The following BRSK2 variants were observed in gnomAD, a reference collection of about 807,000 sequenced individuals.
BRSK2 encodes serine/threonine-protein kinase BRSK2.
In BRSK2, 19 loss-of-function variants were observed where a neutral mutation model predicts 83.3. The ratio of observed to expected loss-of-function variants is 0.23; its 90% CI spans 0.16 to 0.33. The LOEUF is 0.33. BRSK2 is among the 10% of genes least tolerant of loss of function. The pLI is 1.00. For synonymous variants in BRSK2, 519 were observed against 435.4 expected (o/e 1.19, Z -2.39); for missense variants, 798 against 1,042.3 (o/e 0.77, Z 3.23).
chr11:1,403,905 A>G (rs1450750545), intron 1 of BRSK2, among the ~76,000 whole-genome samples: 1 of 152,140 alleles, frequency 6.6e-6, no homozygotes, highest in African/African-American at 2.4e-5. Context: ...TCCAGGCCCC[A>G]CTGCCCAACT....
At position 1,459,188 on chromosome 11, in the gene BRSK2, C is replaced by T. The variant is rs756438217; in HGVS notation, c.1940-4C>T. 4.3e-6 allele frequency: 7 copies of T among 1,613,810 alleles called. No homozygotes were observed. The highest frequency in any genetic ancestry group is 3.3e-4 in the Middle Eastern group (2 of 6,056). The stretch of plus-strand genomic sequence containing the variant: ...CTCCCTCCTCTCTCCATTCTGTACT[C>T]CAGACACCACTAACTGTATGGAAAT... On this transcript the variant is annotated splice_polypyrimidine_tract_variant and splice_region_variant and intron_variant, in intron 18 of 19. Coordinates refer to ENST00000528841, the MANE Select transcript of BRSK2 (RefSeq NM_001256627.2).
intron 12 of BRSK2, among the ~76,000 whole-genome samples, chr11:1,446,572 T>C (rs985832726): frequency 2.0e-5 from 3 of 152,012 alleles, no homozygotes; most frequent in African/African-American, 7.3e-5. Context: ...GTGGCAAGTG[T>C]GGTGTGTGTG....
Position 1,456,591 on chromosome 11 carries a change from C to T in BRSK2, c.1850-7C>T. On this transcript the variant is annotated splice_region_variant and splice_polypyrimidine_tract_variant and intron_variant, in intron 17 of 19. Transcript: ENST00000528841. The stretch of plus-strand genomic sequence containing the variant: ...CCGTCCAGGGCATAACCCCCTGTCT[C>T]CCCTAGGCCCCAGCCGTCGCTTCAA... 6.2e-7 allele frequency: 1 copy of T among 1,609,796 alleles called. No homozygotes were observed. The highest frequency in any genetic ancestry group is 8.5e-7 in the Non-Finnish European group (1 of 1,178,798).
Position 1,460,714 on chromosome 11 carries a change from G to T in BRSK2, c.2202G>T (p.Glu734Asp), listed in dbSNP as rs757632813. 6.9e-7 allele frequency: 1 copy of T among 1,450,284 alleles called. No homozygotes were observed. Among genetic ancestry groups the T allele is most frequent in the Non-Finnish European group, 9.1e-7 (1 of 1,095,328 alleles). 89.8% of individuals were successfully genotyped at this position (1,450,284 alleles called of 1,614,324 possible). ...TGGGCCCGCCCACCGCCCGCCGCGA[G>T]CAGCCTTAGACACACTAGCCCCCCC... ...AKMGPPTARR[E>D]QP Residue 734 changes from glutamate (E) to aspartate (D), a missense_variant, in exon 20 of 20, where the codon GAG (glutamate) becomes GAT (aspartate). By Grantham distance (45) the Glu-to-Asp change is conservative. Transcript: ENST00000528841.
intron 1 of BRSK2, among the ~76,000 whole-genome samples, chr11:1,422,478 C>T (rs962339827): frequency 2.0e-5 from 3 of 152,056 alleles, no homozygotes; most frequent in Admixed American, 1.3e-4. Context: ...TGGGCCCTGG[C>T]GAGTGAGGAG....
intron 8 of BRSK2, among the ~76,000 whole-genome samples, 189 bp downstream of exon 8, chr11:1,443,824 A>G (rs532062277): frequency 1.3e-3 from 201 of 151,798 alleles, no homozygotes; most frequent in African/African-American, 4.8e-3. Flanking sequence ...ATGTGGGCCC[A>G]TGGCCGTGTG....
At position 1,456,133 on chromosome 11, in the gene BRSK2, G is replaced by A. The variant is rs528200246; in HGVS notation, c.1669-215G>A. Among the ~76,000 whole-genome samples the A allele has an allele frequency of 4.6e-5, 7 of 152,216 alleles. No homozygotes were observed. The South Asian group carries it at 6.2e-4, about 14-fold the overall frequency. Reference sequence around the variant, plus strand: ...GCCCGGCAGGGGCTTAGCTGTGCCCGCTAAGTGGACCAAAGCTTTGGAGGG... The same window carrying A: ...GCCCGGCAGGGGCTTAGCTGTGCCCACTAAGTGGACCAAAGCTTTGGAGGG... On this transcript the variant is annotated intron_variant, in intron 16 of 19. Coordinates refer to ENST00000528841, the MANE Select transcript of BRSK2 (RefSeq NM_001256627.2).
At chr11:1,392,709 G>T (rs958600656) in intron 1 of BRSK2, among the ~76,000 whole-genome samples, 1 of 152,202 alleles carries the variant, frequency 6.6e-6, no homozygotes. Flanking sequence ...CCTGGAGGAC[G>T]CCCTTCTAGA....
intron 3 of BRSK2, among the ~76,000 whole-genome samples, chr11:1,439,633 G>A (rs775862841): frequency 6.6e-6 from 1 of 152,066 alleles, no homozygotes; most frequent in Non-Finnish European, 1.5e-5. Context: ...CTTCTCCCGA[G>A]GTCTGGCCCT....
intron 4 of BRSK2, among the ~76,000 whole-genome samples, chr11:1,441,962 C>A (rs192668531): frequency 1.5e-5 from 1 of 66,616 alleles, no homozygotes; most frequent in African/African-American, 6.3e-5. Context: ...CCGTCCCCCC[C>A]ATTAGCTACC....
intron 1 of BRSK2, among the ~76,000 whole-genome samples, chr11:1,411,799 C>T (rs1430199510): frequency 1.3e-5 from 2 of 152,194 alleles, no homozygotes; most frequent in African/African-American, 2.4e-5. Flanking sequence ...GCTGCCTGCC[C>T]CTATGTGGAG....
chr11:1,446,113 A>ATTGGACTGGGCTAG (rs1564859315), intron 12 of BRSK2, among the ~76,000 whole-genome samples: 8 of 97,910 alleles, frequency 8.2e-5, no homozygotes, highest in African/African-American at 2.8e-4. Context: ...CTGGGCTGGG[A>ATTGGACTGGGCTAG]GCTGAGCTGG....
At chr11:1,398,095 G>C (rs546313146) in intron 1 of BRSK2, among the ~76,000 whole-genome samples, 1 of 152,338 alleles carries the variant, frequency 6.6e-6, no homozygotes, top group South Asian at 2.1e-4. Flanking sequence ...CGGGGGCACA[G>C]GGAGCCTGCC....
rs549873263 is a variant in BRSK2 at position 1,443,454 on chromosome 11, C to T, written c.634-35C>T. ...GCCCTGGCCTCTCCCCAAACCTGCC[C>T]CCCCACGCTGACCCCCACACCCGGC... On this transcript the variant is annotated intron_variant, in intron 7 of 19. Transcript: ENST00000528841. 20 of 1,575,004 alleles carry T rather than the reference C, an allele frequency of 1.3e-5. 1 individual carries two copies. In the South Asian group the frequency reaches 2.3e-4, roughly 18 times the overall value.
intron 1 of BRSK2, among the ~76,000 whole-genome samples, chr11:1,434,614 G>A (rs1220779543): frequency 1.4e-5 from 2 of 146,172 alleles, no homozygotes; most frequent in African/African-American, 5.2e-5. Flanking sequence ...TGATAACCTG[G>A]GCCGGCTCTG....
chr11:1,412,866 G>T (rs939577736), intron 1 of BRSK2, among the ~76,000 whole-genome samples: 2 of 152,158 alleles, frequency 1.3e-5, no homozygotes, highest in African/African-American at 4.8e-5. Context: ...TCCCAGGCCC[G>T]TCGGGTCTCT....
rs569820505 is a variant in BRSK2 at position 1,401,663 on chromosome 11, CT to C, written c.91+11289del. 5.6e-3 allele frequency among the ~76,000 whole-genome samples: 850 copies of C among 152,372 alleles called. 8 individuals are homozygous for C. The highest frequency in any genetic ancestry group is 0.019 in the African/African-American group (796 of 41,592). On this transcript the variant is annotated intron_variant, in intron 1 of 19. Coordinates refer to ENST00000528841, the MANE Select transcript of BRSK2 (RefSeq NM_001256627.2). ...GCAGCCGTGGGTGGTATGGAAGCCC[CT>C]GCTCTGCTGCGTCGTGCCAGAGCGG...
At chr11:1,401,461 G>A (rs536998886) in intron 1 of BRSK2, among the ~76,000 whole-genome samples, 8 of 152,292 alleles carry the variant, frequency 5.3e-5, no homozygotes, top group Non-Finnish European at 1.2e-4. Flanking sequence ...GTCCAGGGTC[G>A]CTCAGGAGCC....
At position 1,450,612 on chromosome 11, in the gene BRSK2, G is replaced by T. The variant is rs1845702896; in HGVS notation, c.1313G>T (p.Gly438Val). Residue 438 changes from glycine (G) to valine (V), a missense_variant, in exon 14 of 20, where the codon GGC becomes GTC. Physicochemically the swap from Gly to Val is moderately radical, Grantham distance 109. Around this residue, in one of 6 missense-constraint regions of BRSK2, gnomAD observed 455 missense variants for 455.2 expected, o/e 1.00. Coordinates refer to ENST00000528841, the MANE Select transcript of BRSK2 (RefSeq NM_001256627.2). ...GTGACCCCTCACCCCTCACCAAGGG[G>T]CAGTCCCCTCCCCACCCCCAAGGGG... ...PRVTPHPSPR[G>V]SPLPTPKGTP... 1 of 1,592,046 alleles carries T rather than the reference G, an allele frequency of 6.3e-7. No homozygotes were observed. Among genetic ancestry groups the T allele is most frequent in the Non-Finnish European group, 8.5e-7 (1 of 1,172,018 alleles).
Sources: allele counts gnomAD v4.1 joint callset (sites outside exome capture counted in the v4.1 genomes callset), GRCh38; gene constraint gnomAD v4.1.1; regional missense constraint gnomAD v4.1.1; transcripts MANE v1.5; gene names NCBI Gene and HGNC (gene_info 2026-07-23, HGNC 2026-07-21).